WFS1: variants seen among roughly 807,000 people sequenced by gnomAD.
WFS1 encodes wolframin.
In WFS1, 90 loss-of-function variants were observed where a neutral mutation model predicts 68.5. The observed-to-expected ratio is 1.31, with a 90% CI of 1.11 to 1.56. WFS1 has a LOEUF of 1.56. Ranked by LOEUF, WFS1 falls within the 40% of genes most tolerant of loss-of-function variation. The pLI is 0.00. For missense variants in WFS1, 1,767 were observed against 1,232.6 expected (o/e 1.43, Z -6.49); for synonymous variants, 860 against 540.7 (o/e 1.59, Z -8.19).
In WFS1 at chr4:6,301,339, T is replaced by C; in HGVS notation, c.1544T>C (p.Phe515Ser). 1 of 1,612,190 alleles carries C rather than the reference T, an allele frequency of 6.2e-7. No individual in the cohort carries two copies. Among genetic ancestry groups the C allele is most frequent in the Non-Finnish European group, 8.5e-7 (1 of 1,180,018 alleles). The change falls in exon 8 of 8, where the codon TTC becomes TCC. Residue 515 changes from phenylalanine (F) to serine (S), a missense_variant. Physicochemically the swap from Phe to Ser is radical, Grantham distance 155. Transcript: ENST00000226760. Reference protein sequence around the residue: ...CLLYVYLLYLFFRMAQLRNFK... With the variant: ...CLLYVYLLYLSFRMAQLRNFK... ...CTCTATGTCTACCTGCTCTATCTCT[T>C]CTTCCGCATGGCACAGCTGAGGAAT...
At chr4:6,299,557 T>TGTA (rs1362541752) in intron 7 of WFS1, among the ~76,000 whole-genome samples, 4 of 79,664 alleles carry the variant, frequency 5.0e-5, no homozygotes, top group Non-Finnish European at 1.0e-4. Flanking sequence ...AATGTGTGTG[T>TGTA]AGGGGTGGGT....
At chr4:6,282,721 C>G (rs1730203071) in intron 2 of WFS1, among the ~76,000 whole-genome samples, 1 of 152,228 alleles carries the variant, frequency 6.6e-6, no homozygotes, top group South Asian at 2.1e-4. Flanking sequence ...GCCCCAGCCA[C>G]TGCCCCTTGG....
intron 1 of WFS1, among the ~76,000 whole-genome samples, chr4:6,274,312 G>T (rs542429259): frequency 2.6e-5 from 4 of 151,982 alleles, no homozygotes; most frequent in Non-Finnish European, 4.4e-5. Flanking sequence ...CTCCCAAAGT[G>T]CTGGGATTAC....
rs1240893428 is a variant in WFS1, at chr4:6,274,049, C to CT, written c.-5-3396dup. Among the ~76,000 whole-genome samples the CT allele has an allele frequency of 2.9e-3, 280 of 95,010 alleles. 9 individuals are homozygous for CT. The South Asian group carries it at 0.068, about 23-fold the overall frequency. 62.3% of individuals were successfully genotyped at this position (95,010 alleles called of 152,430 possible). ...GCTTAGGGTTTTTCTTTTCCTTTTT[C>CT]TTTTTTCTTTTTTTTGAGACGGAGT... On this transcript the variant is annotated intron_variant, in intron 1 of 7. Transcript: ENST00000226760.
At chr4:6,282,014 G>A (rs1578589475) in intron 2 of WFS1, among the ~76,000 whole-genome samples, 1 of 152,212 alleles carries the variant, frequency 6.6e-6, no homozygotes, top group South Asian at 2.1e-4. Flanking sequence ...ACTCTCATGG[G>A]TGGACGTGCT....
rs145001865 is a variant in WFS1 at position 6,295,847 on chromosome 4, CCT to C, written c.861+662_861+663del. Among the ~76,000 whole-genome samples, 1,234 of 152,324 alleles carry C rather than the reference CCT, an allele frequency of 8.1e-3. 21 individuals are homozygous for C. Among genetic ancestry groups the C allele is most frequent in the African/African-American group, 0.027 (1,121 of 41,564 alleles). On this transcript the variant is annotated intron_variant, in intron 7 of 7. Transcript: ENST00000226760. Reference sequence around the variant, plus strand: ...TTTTCTTGGCCATGTGGCCCTATGGCCTCTCACAGAGTTGCTCACAGTTCAGC... The same window carrying C: ...TTTTCTTGGCCATGTGGCCCTATGGCCTCACAGAGTTGCTCACAGTTCAGC...
chr4:6,277,821 C>A, intron 2 of WFS1, 134 bp downstream of exon 2: 2 of 1,059,414 alleles, frequency 1.9e-6, no homozygotes, highest in Non-Finnish European at 2.8e-6. Context: ...CCATGCTGTG[C>A]ACAGGCGTCC....
intron 2 of WFS1, among the ~76,000 whole-genome samples, chr4:6,284,754 G>A (rs570563333): frequency 2.6e-5 from 4 of 151,350 alleles, no homozygotes; most frequent in Non-Finnish European, 4.4e-5. Flanking sequence ...TGATGTTAAC[G>A]ATCAGATTGA....
chr4:6,301,057 T>G lies in WFS1; in HGVS notation c.1262T>G (p.Ile421Ser). 5.0e-6 allele frequency: 8 copies of G among 1,614,124 alleles called. No individual in the cohort carries two copies. Among genetic ancestry groups the G allele is most frequent in the Non-Finnish European group, 5.9e-6 (7 of 1,180,026 alleles). Residue 421 changes from isoleucine to serine, a missense_variant, in exon 8 of 8, where the codon ATC becomes AGC. Physicochemically the swap from Ile to Ser is moderately radical, Grantham distance 142. Transcript: ENST00000226760. Reference protein sequence around the residue: ...SVFFVIFSFPIASKDCIPCSE... With the variant: ...SVFFVIFSFPSASKDCIPCSE... ...TTCTTCGTCATCTTCTCCTTCCCCA[T>G]CGCCAGCAAGGACTGCATCCCCTGC...
chr4:6,286,847 C>T (rs1038407759), intron 2 of WFS1, among the ~76,000 whole-genome samples: 2 of 152,196 alleles, frequency 1.3e-5, no homozygotes, highest in Non-Finnish European at 1.5e-5. Context: ...CTTTGAGTTG[C>T]TGTTGAACCA....
chr4:6,279,242 T>C (rs563093683), intron 2 of WFS1, among the ~76,000 whole-genome samples: 1 of 152,202 alleles, frequency 6.6e-6, no homozygotes, highest in African/African-American at 2.4e-5. Flanking sequence ...CCAACATAGG[T>C]GGGTGAGCAT....
rs749922151 is a variant in WFS1, at chr4:6,288,973, T to C, written c.316-14T>C. 9.3e-6 allele frequency: 15 copies of C among 1,606,050 alleles called. No individual in the cohort carries two copies. The highest frequency in any genetic ancestry group is 1.7e-5 in the Admixed American group (1 of 59,084). Reference sequence around the variant, plus strand: ...GTCGGAGAATCTGGAGGCTGACTGGTGTCTGGCTTGCAGGTGGGGAAGCAC... The same window carrying C: ...GTCGGAGAATCTGGAGGCTGACTGGCGTCTGGCTTGCAGGTGGGGAAGCAC... On this transcript the variant is annotated splice_polypyrimidine_tract_variant and intron_variant, in intron 3 of 7. Transcript: ENST00000226760.
intron 7 of WFS1, among the ~76,000 whole-genome samples, chr4:6,297,773 G>C (rs1397449668): frequency 3.9e-5 from 6 of 152,182 alleles, no homozygotes; most frequent in Admixed American, 3.9e-4. Context: ...CATCTCAGGA[G>C]TTGAATTTGT....
rs71524393 is a variant in WFS1 at position 6,302,384 on chromosome 4, C to A, written c.2589C>A (p.Ile863=). The change falls in exon 8 of 8, where the codon ATC becomes ATA. Residue 863 remains isoleucine, a synonymous_variant. Transcript: ENST00000226760. The stretch of plus-strand genomic sequence containing the variant: ...CACCCACCAGGCGGCACGTGAAGAT[C>A]GAGCACGACTGGCGCAGCACCGTGC... ...QLSPTRRHVK[I]EHDWRSTVHG... 2.5e-6 allele frequency: 4 copies of A among 1,613,166 alleles called. No homozygotes were observed. Among genetic ancestry groups the A allele is most frequent in the Non-Finnish European group, 3.4e-6 (4 of 1,179,992 alleles).
Position 6,288,995 on chromosome 4 carries a change from G to GCA in WFS1, c.326_327dup (p.Tyr110ThrfsTer34). The GCA allele has an allele frequency of 1.2e-6, 2 of 1,608,736 alleles. No individual in the cohort carries two copies. The highest frequency in any genetic ancestry group is 1.7e-6 in the Non-Finnish European group (2 of 1,178,048). The stretch of plus-strand genomic sequence containing the variant: ...TGGTGTCTGGCTTGCAGGTGGGGAA[G>GCA]CACTACCTGCAGTTGGCCGGCGACA... On this transcript the variant is annotated frameshift_variant, in exon 4 of 8. Transcript: ENST00000226760. LOFTEE classifies it high-confidence loss of function.
At position 6,270,029 on chromosome 4, in the gene WFS1, G is replaced by T. The variant is rs1729754135; in HGVS notation, c.-6+15G>T. On this transcript the variant is annotated intron_variant, in intron 1 of 7. Coordinates refer to ENST00000226760, the MANE Select transcript of WFS1 (RefSeq NM_006005.3). ...CTCACGGGCCGGTGAGTACTTCGGC[G>T]CTGGGGCAGTGGCGCGGTGGCTGTG... The T allele has an allele frequency of 8.0e-6, 1 of 125,676 alleles. No homozygotes were observed. Among genetic ancestry groups the T allele is most frequent in the African/African-American group, 3.7e-5 (1 of 27,364 alleles). The allele number at this position is 125,676 out of a possible 1,614,324, so 7.8% of individuals were successfully genotyped here.
intron 1 of WFS1, among the ~76,000 whole-genome samples, chr4:6,274,399 G>A (rs4996963): frequency 0.35 from 52,675 of 151,616 alleles, 11,289 homozygotes; most frequent in East Asian, 0.47. Context: ...TGCCACACAC[G>A]TAATCCCCAT....
chr4:6,291,492 T>G, intron 5 of WFS1, 125 bp downstream of exon 5: 1 of 1,330,234 alleles, frequency 7.5e-7, no homozygotes, highest in Middle Eastern at 2.5e-4. Flanking sequence ...AGCCGGGACC[T>G]TCCCTGTGAG....
Position 6,288,601 on chromosome 4 carries a change from T to G in WFS1, c.316-386T>G, listed in dbSNP as rs540490416. On this transcript the variant is annotated intron_variant, in intron 3 of 7. Coordinates refer to ENST00000226760, the MANE Select transcript of WFS1 (RefSeq NM_006005.3). Reference sequence around the variant, plus strand: ...CTAACCCTTGGTTAGCTGGCGTCTCTCCAGCCCTGGCTTTCTATGGTCCCC... The same window carrying G: ...CTAACCCTTGGTTAGCTGGCGTCTCGCCAGCCCTGGCTTTCTATGGTCCCC... 124 of 341,710 alleles carry G rather than the reference T, an allele frequency of 3.6e-4. No homozygotes were observed. The East Asian group carries it at 8.6e-3, about 24-fold the overall frequency. 21.2% of individuals were successfully genotyped at this position (341,710 alleles called of 1,614,324 possible).
Sources: gnomAD v4.1 joint callset for allele counts (sites outside exome capture counted in the v4.1 genomes callset) on GRCh38, gnomAD v4.1.1 for gene constraint, MANE v1.5 for transcripts, NCBI Gene and HGNC (gene_info 2026-07-23, HGNC 2026-07-21) for gene names.